SPIRE1: variants seen among roughly 807,000 people sequenced by gnomAD.
SPIRE1 encodes the protein spire type actin nucleation factor 1.
In SPIRE1, 40 loss-of-function variants were observed where a neutral mutation model predicts 94.1. The ratio of observed to expected loss-of-function variants is 0.43; its 90% CI spans 0.33 to 0.55. SPIRE1 has a LOEUF of 0.55. Ranked by LOEUF, SPIRE1 falls within the 20% of genes least tolerant of loss-of-function variation. SPIRE1 has a pLI of 0.06. For missense variants in SPIRE1, 838 were observed against 975.2 expected (o/e 0.86, Z 1.87); for synonymous variants, 376 against 371.7 (o/e 1.01, Z -0.13).
intron 2 of SPIRE1, among the ~76,000 whole-genome samples, chr18:12,629,428 T>C (rs1658505083): frequency 2.0e-5 from 3 of 152,212 alleles, no homozygotes; most frequent in Admixed American, 2.0e-4. Context: ...CCCTTAAATC[T>C]GGGTCTGAAC....
intron 2 of SPIRE1, among the ~76,000 whole-genome samples, chr18:12,584,843 G>A (rs1053077663): frequency 1.8e-4 from 28 of 152,012 alleles, no homozygotes; most frequent in African/African-American, 5.3e-4. Context: ...GCAGTGGCGC[G>A]ATCGCAGCTC....
chr18:12,499,334 T>C (rs2033574894), intron 6 of SPIRE1, among the ~76,000 whole-genome samples: 1 of 152,236 alleles, frequency 6.6e-6, no homozygotes, highest in African/African-American at 2.4e-5. Context: ...AGTTTGTTTT[T>C]GTACTCTGAA....
At chr18:12,606,456 T>C (rs2036978567) in intron 2 of SPIRE1, among the ~76,000 whole-genome samples, 1 of 152,064 alleles carries the variant, frequency 6.6e-6, no homozygotes, top group Non-Finnish European at 1.5e-5. Context: ...CTCAGGGCTA[T>C]TCTCCTGGTC....
chr18:12,635,859 T>C (rs533673513), intron 1 of SPIRE1, among the ~76,000 whole-genome samples: 1 of 152,082 alleles, frequency 6.6e-6, no homozygotes, highest in Non-Finnish European at 1.5e-5. Context: ...TTAATTATAC[T>C]GCGTACTAGA....
chr18:12,633,289 C>T (rs1022344960), intron 2 of SPIRE1, among the ~76,000 whole-genome samples: 3 of 152,108 alleles, frequency 2.0e-5, no homozygotes, highest in Admixed American at 1.3e-4. Context: ...ATTGTCCCTC[C>T]TTTCAAAGTT....
chr18:12,661,888 T>C (rs1328816893), upstream of SPIRE1: 1 of 172,220 alleles, frequency 5.8e-6, no homozygotes, highest in Non-Finnish European at 1.3e-5. Flanking sequence ...TTAAAATGTC[T>C]GAACAACTCA....
chr18:12,558,488 A>G (rs1165585094), intron 2 of SPIRE1, among the ~76,000 whole-genome samples: 1 of 152,194 alleles, frequency 6.6e-6, no homozygotes, highest in Non-Finnish European at 1.5e-5. Context: ...GCAGCGTGCC[A>G]CTGCTGTCTT....
Position 12,657,767 on chromosome 18 carries a change from C to G in SPIRE1, c.100G>C (p.Gly34Arg), listed in dbSNP as rs945013679. 7 of 1,335,106 alleles carry G rather than the reference C, an allele frequency of 5.2e-6. No individual in the cohort carries two copies. The highest frequency in any genetic ancestry group is 3.0e-5 in the Admixed American group (1 of 33,540). 82.7% of individuals were successfully genotyped at this position (1,335,106 alleles called of 1,614,324 possible). The change falls in exon 1 of 17, where the codon GGG becomes CGG. Residue 34 changes from glycine to arginine, a missense_variant. Gly to Arg is a moderately radical substitution (Grantham distance 125). Transcript: ENST00000409402. ...AGGCTCAGCGCGTCCCGGGAGCCCC[C>G]GGCCGCGCCGCCGGCTGCCCCGGGC... ...REPGAAGGAAGGSRDALSLEE... is the reference protein window; with the variant it reads ...REPGAAGGAARGSRDALSLEE...
At chr18:12,573,844 A>G (rs1469580586) in intron 2 of SPIRE1, among the ~76,000 whole-genome samples, 1 of 151,670 alleles carries the variant, frequency 6.6e-6, no homozygotes, top group East Asian at 1.9e-4. Flanking sequence ...GGTTCACGCC[A>G]TTCTCCTGCC....
intron 4 of SPIRE1, among the ~76,000 whole-genome samples, chr18:12,517,805 A>G (rs1015223379): frequency 5.3e-5 from 8 of 152,254 alleles, no homozygotes; most frequent in Admixed American, 2.0e-4. Context: ...CAGCTCACAT[A>G]TAAGTACCCC....
intron 2 of SPIRE1, among the ~76,000 whole-genome samples, chr18:12,565,802 G>C (rs561159553): frequency 1.1e-4 from 17 of 151,970 alleles, no homozygotes; most frequent in African/African-American, 3.9e-4. Context: ...TTGGGAGGCC[G>C]AGGCAGGCAG....
intron 3 of SPIRE1, 59 bp downstream of exon 3, chr18:12,546,615 A>G (rs941209337): frequency 2.5e-5 from 34 of 1,348,970 alleles, no homozygotes; most frequent in Non-Finnish European, 3.5e-5. Flanking sequence ...GGGGGAAAAA[A>G]AAGAAGAAGA....
At chr18:12,648,693 C>T (rs540250429) in intron 1 of SPIRE1, among the ~76,000 whole-genome samples, 1 of 151,826 alleles carries the variant, frequency 6.6e-6, no homozygotes, top group African/African-American at 2.4e-5. Flanking sequence ...AGTTTGAGAC[C>T]AGCCTGACCA....
chr18:12,577,549 T>TC (rs1447716599), intron 2 of SPIRE1, among the ~76,000 whole-genome samples: 11 of 152,318 alleles, frequency 7.2e-5, no homozygotes, highest in Middle Eastern at 3.4e-3. Context: ...ACTAGTAGTG[T>TC]TTGCAGATTT....
intron 2 of SPIRE1, among the ~76,000 whole-genome samples, chr18:12,609,538 C>A (rs946924807): frequency 6.6e-6 from 1 of 152,180 alleles, no homozygotes; most frequent in East Asian, 1.9e-4. Flanking sequence ...GTAAGAAAGG[C>A]TGGCTTCAGT....
chr18:12,530,294 T>G (rs35280383), intron 4 of SPIRE1, among the ~76,000 whole-genome samples: 14,286 of 152,220 alleles, frequency 0.094, 950 homozygotes, highest in Middle Eastern at 0.19. Flanking sequence ...AACAAAAAAT[T>G]TAGTCACGCA....
chr18:12,507,139 T>G (rs2033862688), intron 5 of SPIRE1, among the ~76,000 whole-genome samples: 1 of 152,180 alleles, frequency 6.6e-6, no homozygotes, highest in African/African-American at 2.4e-5. Flanking sequence ...AAAGATGAGA[T>G]ACCTGTAAAG....
intron 3 of SPIRE1, among the ~76,000 whole-genome samples, chr18:12,544,255 A>G (rs924814743): frequency 6.7e-6 from 1 of 149,164 alleles, no homozygotes; most frequent in Non-Finnish European, 1.5e-5. Context: ...GCTGGAGTGC[A>G]GTGGTGTGCT....
chr18:12,485,487 T>C (rs541673627), intron 9 of SPIRE1, among the ~76,000 whole-genome samples: 12 of 152,360 alleles, frequency 7.9e-5, no homozygotes, highest in African/African-American at 2.6e-4. Context: ...AAAAGAGTTC[T>C]TGCCCATCAA....
Sources: gnomAD v4.1 joint callset for allele counts (sites outside exome capture counted in the v4.1 genomes callset) on GRCh38, gnomAD v4.1.1 for gene constraint, MANE v1.5 for transcripts, NCBI Gene and HGNC (gene_info 2026-07-23, HGNC 2026-07-21) for gene names.